FER: variants seen among roughly 807,000 people sequenced by gnomAD.
FER encodes the protein tyrosine-protein kinase Fer.
Under a neutral mutation model 111.0 loss-of-function variants are expected in FER, and 63 were observed. The observed-to-expected ratio is 0.57, with a 90% confidence interval of 0.46 to 0.70. The LOEUF (loss-of-function observed/expected upper bound fraction) is 0.70, where lower values mean the gene tolerates loss of function less well. Among genes scored for constraint, FER ranks in the 30% least tolerant of loss-of-function variants. The pLI is 0.00. For synonymous variants in FER, 327 were observed against 313.9 expected (o/e 1.04, Z -0.44); for missense variants, 914 against 954.0 (o/e 0.96, Z 0.55).
rs535096255 is a variant in FER at position 108,752,839 on chromosome 5, C to T, written c.-206+4839C>T. 7.9e-5 allele frequency among the ~76,000 whole-genome samples: 12 copies of T among 152,132 alleles called. No individual in the cohort carries two copies. The South Asian group carries it at 2.5e-3, about 32-fold the overall frequency. On this transcript the variant is annotated intron_variant, in intron 1 of 19. Transcript: ENST00000281092. ...ACAATTACTAATTTTTATTCATCAT[C>T]ACCATTCATTATAAACTTGATATTG...
rs1487124045 is a variant in FER, at chr5:108,914,997, A to C, written c.1236+17149A>C. 2.0e-5 allele frequency among the ~76,000 whole-genome samples: 3 copies of C among 152,278 alleles called. No individual in the cohort carries two copies. In the East Asian group the frequency reaches 5.8e-4, roughly 29 times the overall value. ...CAAGGAGGATATGGGTTAGGCATGT[A>C]ACTTGGAAGGAGTTGAAGTAAAGTA... On this transcript the variant is annotated intron_variant, in intron 10 of 19. Coordinates refer to ENST00000281092, the MANE Select transcript of FER (RefSeq NM_005246.4).
intron 16 of FER, among the ~76,000 whole-genome samples, chr5:109,069,958 C>G (rs1002896495): frequency 6.6e-6 from 1 of 152,046 alleles, no homozygotes; most frequent in Non-Finnish European, 1.5e-5. Flanking sequence ...CACACATAAG[C>G]TTAGACTATT....
intron 13 of FER, among the ~76,000 whole-genome samples, chr5:108,984,051 G>T (rs1762303742): frequency 6.6e-6 from 1 of 152,054 alleles, no homozygotes; most frequent in Non-Finnish European, 1.5e-5. Context: ...TACTCTTCTT[G>T]AAATGTATAC....
intron 10 of FER, among the ~76,000 whole-genome samples, chr5:108,936,354 G>C (rs1755470160): frequency 6.7e-6 from 1 of 148,628 alleles, no homozygotes; most frequent in African/African-American, 2.5e-5. Context: ...TTAATTTTTA[G>C]ATGATAATTG....
At position 108,969,937 on chromosome 5, in the gene FER, C is replaced by T. The variant is rs988966781; in HGVS notation, c.1656+10590C>T. 1.7e-4 allele frequency among the ~76,000 whole-genome samples: 25 copies of T among 147,900 alleles called. 5 individuals carry two copies. Among genetic ancestry groups the T allele is most frequent in the African/African-American group, 6.1e-4 (23 of 37,432 alleles). On this transcript the variant is annotated intron_variant, in intron 13 of 19. Coordinates refer to ENST00000281092, the MANE Select transcript of FER (RefSeq NM_005246.4). Reference sequence around the variant, plus strand: ...TGGGTGATTTGGGGCAGTTTAAAAACGTTTTTCATTGAACATGTTACTATG... The same window carrying T: ...TGGGTGATTTGGGGCAGTTTAAAAATGTTTTTCATTGAACATGTTACTATG...
At chr5:108,849,688 G>A (rs1762364877) in intron 5 of FER, among the ~76,000 whole-genome samples, 1 of 151,964 alleles carries the variant, frequency 6.6e-6, no homozygotes, top group South Asian at 2.1e-4. Flanking sequence ...CTTCATTTTG[G>A]TTAGATATTT....
intron 1 of FER, among the ~76,000 whole-genome samples, chr5:108,761,905 A>AATT (rs933345323): frequency 5.9e-5 from 9 of 151,668 alleles, no homozygotes; most frequent in Non-Finnish European, 1.2e-4. Flanking sequence ...TTTCTAGTAT[A>AATT]ATTATTATTA....
chr5:108,887,109 AGTT>A (rs1747292620), intron 9 of FER, among the ~76,000 whole-genome samples: 1 of 151,724 alleles, frequency 6.6e-6, no homozygotes, highest in African/African-American at 2.4e-5. Context: ...ACACTTTGTT[AGTT>A]TCATGTACTG....
At chr5:108,951,494 T>C (rs949152243) in intron 11 of FER, among the ~76,000 whole-genome samples, 12 of 152,164 alleles carry the variant, frequency 7.9e-5, no homozygotes, top group Non-Finnish European at 1.3e-4. Context: ...TCTTATGAAT[T>C]ACTCTTTGTC....
chr5:108,849,708 T>C (rs1222278832), intron 5 of FER, among the ~76,000 whole-genome samples: 1 of 152,196 alleles, frequency 6.6e-6, no homozygotes, highest in East Asian at 1.9e-4. Context: ...TTTGCTTCTT[T>C]GAATGCCTGA....
chr5:109,087,102 A>G (rs887081024), intron 16 of FER, among the ~76,000 whole-genome samples: 1 of 151,344 alleles, frequency 6.6e-6, no homozygotes, highest in Non-Finnish European at 1.5e-5. Context: ...GGACTTAAAT[A>G]TAATAATTTT....
At chr5:109,027,278 G>C (rs1042459104) in intron 13 of FER, among the ~76,000 whole-genome samples, 1 of 152,028 alleles carries the variant, frequency 6.6e-6, no homozygotes, top group African/African-American at 2.4e-5. Context: ...GGAATAGATT[G>C]TATTACTGTA....
At chr5:108,821,936 C>T (rs1303083133) in intron 3 of FER, among the ~76,000 whole-genome samples, 2 of 152,048 alleles carry the variant, frequency 1.3e-5, no homozygotes, top group Non-Finnish European at 2.9e-5. Context: ...TCATGGTGTA[C>T]ATTAGATCTT....
At chr5:108,869,966 T>C (rs1276280347) in intron 6 of FER, among the ~76,000 whole-genome samples, 3 of 152,170 alleles carry the variant, frequency 2.0e-5, no homozygotes, top group Non-Finnish European at 2.9e-5. Context: ...AATAGTGAAA[T>C]GTCTAGTTAA....
intron 3 of FER, among the ~76,000 whole-genome samples, chr5:108,814,757 C>T (rs1044879027): frequency 1.8e-4 from 27 of 152,266 alleles, no homozygotes; most frequent in African/African-American, 6.5e-4. Context: ...TTTCCTAGCC[C>T]TCACTCAAGA....
Position 108,946,208 on chromosome 5 carries a change from C to A in FER, c.1315C>A (p.Leu439Met). ...AATAATTAGGTCTCCAAAATCTGCA[C>A]TGGGCTCTTCAGCAGTAAGTAGGAT... ...AGIIRSPKSALGSSALSDMIS... is the reference protein window; with the variant it reads ...AGIIRSPKSAMGSSALSDMIS... The change falls in exon 11 of 20, where the codon CTG becomes ATG. Residue 439 changes from leucine to methionine, a missense_variant. Physicochemically the swap from Leu to Met is conservative, Grantham distance 15. Around this residue, in one of 3 missense-constraint regions of FER, gnomAD observed 774 missense variants for 782.6 expected, o/e 0.99. Coordinates refer to ENST00000281092, the MANE Select transcript of FER (RefSeq NM_005246.4). The A allele has an allele frequency of 6.2e-7, 1 of 1,611,032 alleles. No individual in the cohort carries two copies. Among genetic ancestry groups the A allele is most frequent in the Non-Finnish European group, 8.5e-7 (1 of 1,178,016 alleles).
chr5:109,144,588 T>C (rs1753873400), intron 17 of FER, among the ~76,000 whole-genome samples: 1 of 152,182 alleles, frequency 6.6e-6, no homozygotes, highest in Non-Finnish European at 1.5e-5. Context: ...ATCTGAAATG[T>C]GCATTTGGCT....
intron 13 of FER, among the ~76,000 whole-genome samples, chr5:108,996,311 G>A (rs945492808): frequency 6.6e-6 from 1 of 152,110 alleles, no homozygotes; most frequent in African/African-American, 2.4e-5. Flanking sequence ...ATTGCTTTTG[G>A]TGTTTTAGTC....
At chr5:108,884,863 A>G (rs769297121) in intron 9 of FER, among the ~76,000 whole-genome samples, 5 of 152,044 alleles carry the variant, frequency 3.3e-5, no homozygotes, top group Non-Finnish European at 7.4e-5. Flanking sequence ...TAAGATCACA[A>G]TGATGTCTAC....
Sources: gnomAD v4.1 joint callset for allele counts (sites outside exome capture counted in the v4.1 genomes callset) on GRCh38, gnomAD v4.1.1 for gene constraint, gnomAD v4.1.1 regional missense constraint, MANE v1.5 for transcripts, NCBI Gene and HGNC (gene_info 2026-07-23, HGNC 2026-07-21) for gene names.